The following GPR45 variants were observed in gnomAD, a reference collection of about 807,000 sequenced individuals.
GPR45 encodes the protein probable G protein-coupled receptor 45.
Under a neutral mutation model 5.9 loss-of-function variants are expected in GPR45, and 7 were observed. The observed-to-expected ratio is 1.19, with a 90% CI of 0.68 to 2.23. The LOEUF is 2.23. GPR45 is among the 30% of genes most tolerant of loss of function. GPR45 has a pLI of 0.00. For missense variants in GPR45, 440 were observed against 496.9 expected, an observed-to-expected ratio of 0.89 and a Z score of 1.09; for synonymous variants, 220 against 226.3, an observed-to-expected ratio of 0.97 and a Z score of 0.25.
chr2:105,242,646 C>T lies in GPR45; in HGVS notation c.788C>T (p.Thr263Ile), dbSNP rs747909232. The T allele has an allele frequency of 6.3e-7, 1 of 1,599,852 alleles. No individual in the cohort carries two copies. The stretch of plus-strand genomic sequence containing the variant: ...GTCAGCGTGGACTTGAGCTTCAAGA[C>T]CAAGGCCTTCACCACCATCCTGATC... ...QQVSVDLSFK[T>I]KAFTTILILF... Residue 263 changes from threonine (T) to isoleucine (I), a missense_variant, in exon 1 of 1, where the codon ACC (threonine) becomes ATC (isoleucine). Coordinates refer to ENST00000258456, the MANE Select transcript of GPR45 (RefSeq NM_007227.3). This position sits in a 1 kb window ranked among gnomAD's most constrained non-coding sequence, Gnocchi z 4.8.
At position 105,242,987 on chromosome 2, in the gene GPR45, G is replaced by C; in HGVS notation, c.*10G>C. 1 of 1,608,866 alleles carries C rather than the reference G, an allele frequency of 6.2e-7. No individual in the cohort carries two copies. The highest frequency in any genetic ancestry group is 8.5e-7 in the Non-Finnish European group (1 of 1,176,510). ...CCAGTCTGCGGTTTAGGGGGTCAGG[G>C]GGCCACAGAGAAGGGGCAGCTGAGC... On this transcript the variant is annotated 3_prime_UTR_variant, in exon 1 of 1. Coordinates refer to ENST00000258456, the MANE Select transcript of GPR45 (RefSeq NM_007227.3). This position sits in a 1 kb window ranked among gnomAD's most constrained non-coding sequence, Gnocchi z 4.8.
rs200554082 is a variant in GPR45 at position 105,242,154 on chromosome 2, G to A, written c.296G>A (p.Arg99His). ...PFTAVTLITV[R>H]WHFGDHFCRL... The stretch of plus-strand genomic sequence containing the variant: ...ACCGCCGTCACCCTCATCACCGTGC[G>A]CTGGCACTTTGGGGACCACTTCTGC... The change falls in exon 1 of 1, where the codon CGC becomes CAC. Residue 99 changes from arginine (R) to histidine (H), a missense_variant. Arg to His is a conservative substitution (Grantham distance 29). Transcript: ENST00000258456. The surrounding 1 kb of genome is among the most constrained non-coding windows in gnomAD (Gnocchi z 4.8). 39 of 1,614,084 alleles carry A rather than the reference G, an allele frequency of 2.4e-5. No homozygotes were observed. In the African/African-American group the frequency reaches 3.2e-4, roughly 13 times the overall value.
rs991155239 is a variant in GPR45 at position 105,242,167 on chromosome 2, G to T, written c.309G>T (p.Gly103=). The change falls in exon 1 of 1, where the codon GGG becomes GGT. Residue 103 remains glycine (G), a synonymous_variant. Coordinates refer to ENST00000258456, the MANE Select transcript of GPR45 (RefSeq NM_007227.3). This position sits in a 1 kb window ranked among gnomAD's most constrained non-coding sequence, Gnocchi z 4.8. ...VTLITVRWHF[G]DHFCRLSATL... Reference sequence around the variant, plus strand: ...TCATCACCGTGCGCTGGCACTTTGGGGACCACTTCTGCCGCCTCTCAGCCA... The same window carrying T: ...TCATCACCGTGCGCTGGCACTTTGGTGACCACTTCTGCCGCCTCTCAGCCA... 1.2e-6 allele frequency: 2 copies of T among 1,614,124 alleles called. No individual in the cohort carries two copies. Among genetic ancestry groups the T allele is most frequent in the Non-Finnish European group, 1.7e-6 (2 of 1,180,028 alleles).
At position 105,242,978 on chromosome 2, in the gene GPR45, G is replaced by A; in HGVS notation, c.*1G>A. 2 of 1,610,836 alleles carry A rather than the reference G, an allele frequency of 1.2e-6. No homozygotes were observed. The highest frequency in any genetic ancestry group is 1.7e-6 in the Non-Finnish European group (2 of 1,177,708). On this transcript the variant is annotated 3_prime_UTR_variant, in exon 1 of 1. Transcript: ENST00000258456. This position sits in a 1 kb window ranked among gnomAD's most constrained non-coding sequence, Gnocchi z 4.8. ...CAATGAAAACCAGTCTGCGGTTTAG[G>A]GGGTCAGGGGGCCACAGAGAAGGGG...
chr2:105,242,880 A>G lies in GPR45; in HGVS notation c.1022A>G (p.Gln341Arg). ...GAGGCCTGCATAGAGTTGCTGCCCC[A>G]GACCTTCCAAATCCTCCCCAAAGTG... ...FREACIELLP[Q>R]TFQILPKVPE... Residue 341 changes from glutamine (Q) to arginine (R), a missense_variant, in exon 1 of 1, where the codon CAG becomes CGG. By Grantham distance (43) the Gln-to-Arg change is conservative (BLOSUM62 1). Transcript: ENST00000258456. The surrounding 1 kb of genome is among the most constrained non-coding windows in gnomAD (Gnocchi z 4.8). 1 of 1,614,224 alleles carries G rather than the reference A, an allele frequency of 6.2e-7. No homozygotes were observed. The highest frequency in any genetic ancestry group is 8.5e-7 in the Non-Finnish European group (1 of 1,180,026).
At position 105,243,172 on chromosome 2, in the gene GPR45, C is replaced by A; in HGVS notation, c.*195C>A. ...GGCACGATGAATTATTTTTGTTTCT[C>A]TTTGCAGAGAGCCAAATATGGGGCT... On this transcript the variant is annotated 3_prime_UTR_variant, in exon 1 of 1. Coordinates refer to ENST00000258456, the MANE Select transcript of GPR45 (RefSeq NM_007227.3). The A allele has an allele frequency of 1.4e-6, 1 of 723,812 alleles. No individual in the cohort carries two copies. The highest frequency in any genetic ancestry group is 2.2e-6 in the Non-Finnish European group (1 of 451,208). 44.8% of individuals were successfully genotyped at this position (723,812 alleles called of 1,614,324 possible).
In GPR45 at chr2:105,242,883, C is replaced by T. The variant is rs201875537; in HGVS notation, c.1025C>T (p.Thr342Ile). Reference protein sequence around the residue: ...REACIELLPQTFQILPKVPER... With the variant: ...REACIELLPQIFQILPKVPER... ...GCCTGCATAGAGTTGCTGCCCCAGACCTTCCAAATCCTCCCCAAAGTGCCT... is the reference window on the plus strand; with the variant it reads ...GCCTGCATAGAGTTGCTGCCCCAGATCTTCCAAATCCTCCCCAAAGTGCCT... Residue 342 changes from threonine to isoleucine, a missense_variant, in exon 1 of 1, where the codon ACC becomes ATC. By Grantham distance (89) the Thr-to-Ile change is moderately conservative (BLOSUM62 -1). Transcript: ENST00000258456. This position sits in a 1 kb window ranked among gnomAD's most constrained non-coding sequence, Gnocchi z 4.8. 1.2e-6 allele frequency: 2 copies of T among 1,614,198 alleles called. No individual in the cohort carries two copies. Among genetic ancestry groups the T allele is most frequent in the African/African-American group, 1.3e-5 (1 of 75,066 alleles).
Position 105,242,355 on chromosome 2 carries a change from C to A in GPR45, c.497C>A (p.Ser166Ter), listed in dbSNP as rs943742352. 5 of 1,613,278 alleles carry A rather than the reference C, an allele frequency of 3.1e-6. No homozygotes were observed. Among genetic ancestry groups the A allele is most frequent in the African/African-American group, 2.7e-5 (2 of 74,938 alleles). The part of the protein sequence containing the change: ...WVLSFCIAGP[S>*]LTGWTLVEVP... ...CTGTCCTTCTGCATCGCGGGGCCCT[C>A]GCTCACGGGCTGGACGCTGGTGGAG... The change falls in exon 1 of 1, where the codon TCG (serine) becomes TAG (stop). Residue 166 changes from serine (S) to a stop codon, truncating the protein, a stop_gained. Coordinates refer to ENST00000258456, the MANE Select transcript of GPR45 (RefSeq NM_007227.3). LOFTEE classifies it low-confidence loss of function (END_TRUNC). The surrounding 1 kb of genome is among the most constrained non-coding windows in gnomAD (Gnocchi z 4.8).
In GPR45 at chr2:105,241,789, T is replaced by C; in HGVS notation, c.-70T>C. 4 of 1,490,522 alleles carry C rather than the reference T, an allele frequency of 2.7e-6. No individual in the cohort carries two copies. The South Asian group carries it at 4.1e-5, about 15-fold the overall frequency. The allele number at this position is 1,490,522 out of a possible 1,614,324, so 92.3% of individuals were successfully genotyped here. ...GAAGATGCAGCCAGCAGACAAAGAA[T>C]GGCAGCCACCCAAGTGCTGAGGGGA... On this transcript the variant is annotated 5_prime_UTR_variant, in exon 1 of 1. The change abolishes an upstream ATG in the 5' untranslated region. Transcript: ENST00000258456.
chr2:105,241,811 G>A lies in GPR45; in HGVS notation c.-48G>A, dbSNP rs147651048. 2.6e-4 allele frequency: 400 copies of A among 1,520,250 alleles called. 2 individuals are homozygous for A. The East Asian group carries it at 8.1e-3, about 31-fold the overall frequency. 94.2% of individuals were successfully genotyped at this position (1,520,250 alleles called of 1,614,324 possible). ...GAATGGCAGCCACCCAAGTGCTGAGGGGAGCCCTCCCGGCCATTTCTGTCC... is the reference window on the plus strand; with the variant it reads ...GAATGGCAGCCACCCAAGTGCTGAGAGGAGCCCTCCCGGCCATTTCTGTCC... On this transcript the variant is annotated 5_prime_UTR_variant, in exon 1 of 1. Transcript: ENST00000258456.
Position 105,241,930 on chromosome 2 carries a change from G to T in GPR45, c.72G>T (p.Ser24=), listed in dbSNP as rs375972641. ...TGAACACCAGCAACGCCTCAGACTC[G>T]GGGTCCACCCAGTTGCCCGCACCCC... ...LLLNTSNASD[S]GSTQLPAPLR... Residue 24 remains serine (S), a synonymous_variant, in exon 1 of 1, where the codon TCG becomes TCT. Coordinates refer to ENST00000258456, the MANE Select transcript of GPR45 (RefSeq NM_007227.3). The T allele has an allele frequency of 1.9e-6, 3 of 1,609,628 alleles. No individual in the cohort carries two copies. The South Asian group carries it at 3.3e-5, about 18-fold the overall frequency.
chr2:105,242,176 C>T lies in GPR45; in HGVS notation c.318C>T (p.Phe106=). ...TGCGCTGGCACTTTGGGGACCACTT[C>T]TGCCGCCTCTCAGCCACGCTCTACT... is the stretch of plus-strand genomic sequence containing the variant. ...ITVRWHFGDH[F]CRLSATLYWF... The change falls in exon 1 of 1, where the codon TTC becomes TTT. Residue 106 remains phenylalanine, a synonymous_variant. Coordinates refer to ENST00000258456, the MANE Select transcript of GPR45 (RefSeq NM_007227.3). The surrounding 1 kb of genome is among the most constrained non-coding windows in gnomAD (Gnocchi z 4.8). 1 of 1,614,174 alleles carries T rather than the reference C, an allele frequency of 6.2e-7. No homozygotes were observed. Among genetic ancestry groups the T allele is most frequent in the East Asian group, 2.2e-5 (1 of 44,866 alleles).
chr2:105,242,204 T>C lies in GPR45; in HGVS notation c.346T>C (p.Phe116Leu). 1.2e-6 allele frequency: 2 copies of C among 1,614,076 alleles called. No homozygotes were observed. Among genetic ancestry groups the C allele is most frequent in the Non-Finnish European group, 1.7e-6 (2 of 1,180,026 alleles). The part of the protein sequence containing the change: ...FCRLSATLYW[F>L]FVLEGVAILL... ...CCGCCTCTCAGCCACGCTCTACTGG[T>C]TTTTTGTCCTGGAGGGCGTGGCCAT... The change falls in exon 1 of 1, where the codon TTT becomes CTT. Residue 116 changes from phenylalanine (F) to leucine (L), a missense_variant. Coordinates refer to ENST00000258456, the MANE Select transcript of GPR45 (RefSeq NM_007227.3). This position sits in a 1 kb window ranked among gnomAD's most constrained non-coding sequence, Gnocchi z 4.8.
In GPR45 at chr2:105,243,309, C is replaced by A. The variant is rs1036320616; in HGVS notation, c.*332C>A. 6.6e-6 allele frequency among the ~76,000 whole-genome samples: 1 copy of A among 152,014 alleles called. No individual in the cohort carries two copies. Among genetic ancestry groups the A allele is most frequent in the Non-Finnish European group, 1.5e-5 (1 of 68,002 alleles). ...GGAATGAAGCTGGTTGAGTGTGGGG[C>A]AGGAGGACTGGTCAGTCACAAGAGC... On this transcript the variant is annotated 3_prime_UTR_variant, in exon 1 of 1. Coordinates refer to ENST00000258456, the MANE Select transcript of GPR45 (RefSeq NM_007227.3).
At position 105,241,852 on chromosome 2, in the gene GPR45, C is replaced by T. The variant is rs748130217; in HGVS notation, c.-7C>T. On this transcript the variant is annotated 5_prime_UTR_variant, in exon 1 of 1. Coordinates refer to ENST00000258456, the MANE Select transcript of GPR45 (RefSeq NM_007227.3). The stretch of plus-strand genomic sequence containing the variant: ...ATTTCTGTCCCAGCTCCAAGGGTCT[C>T]TCCACGATGGCCTGCAACAGCACGT... 6 of 1,550,560 alleles carry T rather than the reference C, an allele frequency of 3.9e-6. No individual in the cohort carries two copies. In the East Asian group the frequency reaches 1.4e-4, roughly 35 times the overall value.
chr2:105,242,689 C>G lies in GPR45; in HGVS notation c.831C>G (p.Ser277=), dbSNP rs1438373854. 2 of 1,602,888 alleles carry G rather than the reference C, an allele frequency of 1.2e-6. No individual in the cohort carries two copies. Among genetic ancestry groups the G allele is most frequent in the East Asian group, 4.5e-5 (2 of 44,752 alleles). The change falls in exon 1 of 1, where the codon TCC becomes TCG. Residue 277 remains serine, a synonymous_variant. Transcript: ENST00000258456. This position sits in a 1 kb window ranked among gnomAD's most constrained non-coding sequence, Gnocchi z 4.8. ...TTILILFVGF[S]LCWLPHSVYS... ...TCCTGATCCTCTTCGTGGGCTTCTC[C>G]CTCTGCTGGCTGCCCCACTCCGTCT... is the stretch of plus-strand genomic sequence containing the variant.
rs560407299 is a variant in GPR45, at chr2:105,241,803, G to T, written c.-56G>T. On this transcript the variant is annotated 5_prime_UTR_variant, in exon 1 of 1. Coordinates refer to ENST00000258456, the MANE Select transcript of GPR45 (RefSeq NM_007227.3). ...CAGACAAAGAATGGCAGCCACCCAA[G>T]TGCTGAGGGGAGCCCTCCCGGCCAT... is the stretch of plus-strand genomic sequence containing the variant. 1.8e-4 allele frequency: 278 copies of T among 1,514,742 alleles called. 3 individuals carry two copies. The Admixed American group carries it at 5.8e-3, about 32-fold the overall frequency. The allele number at this position is 1,514,742 out of a possible 1,614,324, so 93.8% of individuals were successfully genotyped here. A position where few individuals can be genotyped will look rare whatever the true frequency, so the allele number is the denominator to read the frequency against.
Position 105,243,051 on chromosome 2 carries a change from G to A in GPR45, c.*74G>A, listed in dbSNP as rs966156141. On this transcript the variant is annotated 3_prime_UTR_variant, in exon 1 of 1. Coordinates refer to ENST00000258456, the MANE Select transcript of GPR45 (RefSeq NM_007227.3). ...TGGATCTGTCCTGCTCTGTTCCCTG[G>A]CATGTTGGTCATAGTCTGCACTTTG... is the stretch of plus-strand genomic sequence containing the variant. 4.5e-5 allele frequency: 68 copies of A among 1,522,130 alleles called. 1 individual carries two copies. In the Admixed American group the frequency reaches 1.4e-3, roughly 30 times the overall value. The allele number at this position is 1,522,130 out of a possible 1,614,324, so 94.3% of individuals were successfully genotyped here.
Position 105,243,056 on chromosome 2 carries a change from T to C in GPR45, c.*79T>C. On this transcript the variant is annotated 3_prime_UTR_variant, in exon 1 of 1. Coordinates refer to ENST00000258456, the MANE Select transcript of GPR45 (RefSeq NM_007227.3). ...CTGTCCTGCTCTGTTCCCTGGCATG[T>C]TGGTCATAGTCTGCACTTTGTGGTG... The C allele has an allele frequency of 1.3e-6, 2 of 1,513,876 alleles. No individual in the cohort carries two copies. The highest frequency in any genetic ancestry group is 2.3e-5 in the East Asian group (1 of 43,908). The allele number at this position is 1,513,876 out of a possible 1,614,324, so 93.8% of individuals were successfully genotyped here.
Sources: allele counts gnomAD v4.1 joint callset (sites outside exome capture counted in the v4.1 genomes callset), GRCh38; gene constraint gnomAD v4.1.1; non-coding constraint Gnocchi (gnomAD v3.1); transcripts MANE v1.5; gene names NCBI Gene and HGNC (gene_info 2026-07-23, HGNC 2026-07-21).